The following MFSD12 variants were observed in gnomAD, a reference collection of about 807,000 sequenced individuals.
The protein encoded by MFSD12 is major facilitator superfamily domain containing 12.
In MFSD12, 67 loss-of-function variants were observed where a neutral mutation model predicts 51.2. That is an observed-to-expected ratio of 1.31 (90% CI 1.08 to 1.60). The LOEUF (loss-of-function observed/expected upper bound fraction) is 1.60, where lower values mean the gene tolerates loss of function less well. Ranked by LOEUF, MFSD12 falls within the 40% of genes most tolerant of loss-of-function variation. The pLI is 0.00. For missense variants in MFSD12, 921 were observed against 673.0 expected (o/e 1.37, Z -4.08); for synonymous variants, 441 against 316.7 (o/e 1.39, Z -4.17).
At position 3,548,028 on chromosome 19, in the gene MFSD12, G is replaced by A. The variant is rs372718189; in HGVS notation, c.657C>T (p.Asn219=). The A allele has an allele frequency of 8.9e-5, 143 of 1,599,832 alleles. No homozygotes were observed. Among genetic ancestry groups the A allele is most frequent in the Non-Finnish European group, 1.2e-4 (136 of 1,179,464 alleles). ...LGGQDVPVFR[N]LSLLVVGVGA... ...CGACACCCACCACCAGCAGGGACAG[G>A]TTCTGGGGATGCAGCAGAAGCAGTC... Residue 219 remains asparagine, a splice_region_variant and synonymous_variant, in exon 4 of 10, where the codon AAC becomes AAT. Transcript: ENST00000355415.
In MFSD12 at chr19:3,544,826, G is replaced by T. The variant is rs372771905; in HGVS notation, c.1403C>A (p.Pro468Gln). The T allele has an allele frequency of 4.8e-5, 78 of 1,612,258 alleles. No individual in the cohort carries two copies. Among genetic ancestry groups the T allele is most frequent in the Non-Finnish European group, 6.3e-5 (74 of 1,179,562 alleles). ...ALCLCSLLLW[P>Q]TRLRRWDRDA... Reference sequence around the variant, plus strand: ...GGACTCACAGCGTCGCAGGCGGGTCGGCCACAGCAGGAGGCTACAGAGACA... The same window carrying T: ...GGACTCACAGCGTCGCAGGCGGGTCTGCCACAGCAGGAGGCTACAGAGACA... The change falls in exon 9 of 10, where the codon CCG (proline) becomes CAG (glutamine). Residue 468 changes from proline (P) to glutamine (Q), a missense_variant. By Grantham distance (76) the Pro-to-Gln change is moderately conservative. Transcript: ENST00000355415.
At chr19:3,549,776 C>A (rs1221592458) in intron 2 of MFSD12, among the ~76,000 whole-genome samples, 1 of 149,356 alleles carries the variant, frequency 6.7e-6, no homozygotes, top group East Asian at 2.0e-4. Context: ...GTAATCCCAG[C>A]ACTTTGGGAG....
At chr19:3,552,779 C>T (rs958619753) in intron 1 of MFSD12, among the ~76,000 whole-genome samples, 9 of 152,164 alleles carry the variant, frequency 5.9e-5, no homozygotes, top group Non-Finnish European at 1.2e-4. Flanking sequence ...GCCACCATAC[C>T]GGCTGTTACT....
intron 1 of MFSD12, among the ~76,000 whole-genome samples, chr19:3,554,679 C>T (rs907203987): frequency 6.6e-6 from 1 of 152,242 alleles, no homozygotes; most frequent in Non-Finnish European, 1.5e-5. Context: ...GTCCTTCCTT[C>T]TGAAGCCCAT....
rs2031789134 is a variant in MFSD12, at chr19:3,557,363, G to C, written c.41C>G (p.Pro14Arg). The C allele has an allele frequency of 1.3e-6, 2 of 1,505,184 alleles. No individual in the cohort carries two copies. The highest frequency in any genetic ancestry group is 1.4e-5 in the African/African-American group (1 of 69,374). The allele number at this position is 1,505,184 out of a possible 1,614,324, so 93.2% of individuals were successfully genotyped here. A position where few individuals can be genotyped will look rare whatever the true frequency, so the allele number is the denominator to read the frequency against. ...CCGCGCCACCAGGGACAGCGGCCGC[G>C]GGGACGGCGCCGCTCCGGCCGCTGG... is the stretch of plus-strand genomic sequence containing the variant. ...GPPAAGAAPS[P>R]RPLSLVARLS... Residue 14 changes from proline to arginine, a missense_variant, in exon 1 of 10, where the codon CCG becomes CGG. Transcript: ENST00000355415.
intron 2 of MFSD12, 134 bp from the exon 3 acceptor site, chr19:3,548,401 G>C (rs1381782641): frequency 2.4e-6 from 3 of 1,243,836 alleles, no homozygotes; most frequent in Non-Finnish European, 3.3e-6. Flanking sequence ...CACACTGGGT[G>C]GCCTCCAGGA....
chr19:3,543,490 C>G, downstream of MFSD12: 2 of 1,519,400 alleles, frequency 1.3e-6, no homozygotes, highest in African/African-American at 1.4e-5. Context: ...GCCCCCCCCC[C>G]CGCCCTGGGC....
chr19:3,539,216 C>T (rs2030145537), downstream of MFSD12: 2 of 1,550,686 alleles, frequency 1.3e-6, no homozygotes, highest in East Asian at 2.4e-5. Context: ...GGCCCTGTAT[C>T]CCCTCGGGGA....
Position 3,544,570 on chromosome 19 carries a change from A to G in MFSD12, c.*140T>C, listed in dbSNP as rs1042537554. ...ATCCCTGCTGCCCTCACCCGACCCC[A>G]CCCCCGGGAGCTGGGTGAGGATGGA... On this transcript the variant is annotated 3_prime_UTR_variant, in exon 10 of 10. Coordinates refer to ENST00000355415, the MANE Select transcript of MFSD12 (RefSeq NM_174983.5). The G allele has an allele frequency of 6.3e-5, 91 of 1,452,384 alleles. No individual in the cohort carries two copies. The highest frequency in any genetic ancestry group is 7.5e-5 in the Non-Finnish European group (83 of 1,106,892). The allele number at this position is 1,452,384 out of a possible 1,614,324, so 90.0% of individuals were successfully genotyped here. A position where few individuals can be genotyped will look rare whatever the true frequency, so the allele number is the denominator to read the frequency against.
intron 2 of MFSD12, among the ~76,000 whole-genome samples, chr19:3,549,124 T>C (rs2031301869): frequency 1.3e-5 from 2 of 152,192 alleles, no homozygotes; most frequent in South Asian, 4.1e-4. Flanking sequence ...GGCCTATAAC[T>C]ATGCCAGGCA....
downstream of MFSD12, among the ~76,000 whole-genome samples, chr19:3,540,457 C>T (rs990652310): frequency 6.6e-5 from 10 of 151,422 alleles, no homozygotes; most frequent in Middle Eastern, 3.4e-3. Flanking sequence ...GGGGTTTCAC[C>T]ATGTTGGCCA....
intron 8 of MFSD12, among the ~76,000 whole-genome samples, chr19:3,545,566 C>A (rs1395951744): frequency 1.3e-5 from 2 of 152,254 alleles, no homozygotes; most frequent in African/African-American, 4.8e-5. Flanking sequence ...CCAAGAAGCC[C>A]TCCCTGGCTT....
At chr19:3,543,352 G>A (rs1232878407), downstream of MFSD12, 2 of 1,549,314 alleles carry the variant, frequency 1.3e-6, no homozygotes, top group Admixed American at 2.0e-5. Context: ...ACACAGGCCT[G>A]ACCAACTCGG....
intron 2 of MFSD12, 40 bp downstream of exon 2, chr19:3,550,944 G>C: frequency 6.3e-7 from 1 of 1,575,724 alleles, no homozygotes; most frequent in Non-Finnish European, 8.7e-7. Flanking sequence ...ACCGAGCCGG[G>C]GCCCACCCTG....
At chr19:3,549,860 G>A (rs920055079) in intron 2 of MFSD12, among the ~76,000 whole-genome samples, 10 of 151,538 alleles carry the variant, frequency 6.6e-5, no homozygotes, top group Non-Finnish European at 1.2e-4. Context: ...GTGAAACCCC[G>A]TGTCTACTAA....
At chr19:3,552,524 G>C (rs1009171917) in intron 1 of MFSD12, among the ~76,000 whole-genome samples, 26 of 144,744 alleles carry the variant, frequency 1.8e-4, no homozygotes, top group African/African-American at 6.7e-4. Context: ...GCCCAGGCTG[G>C]AGTGCAGTGG....
At chr19:3,546,721 A>T (rs576582657) in intron 6 of MFSD12, among the ~76,000 whole-genome samples, 19 of 152,376 alleles carry the variant, frequency 1.2e-4, no homozygotes, top group African/African-American at 4.3e-4. Context: ...CCACATTTCA[A>T]GCCCTCAGTA....
chr19:3,547,627 G>C, intron 4 of MFSD12, 80 bp from the exon 5 acceptor site: 4 of 1,351,608 alleles, frequency 3.0e-6, no homozygotes, highest in Non-Finnish European at 4.1e-6. Context: ...ACCGGGGCCA[G>C]GGTGGGCGCC....
At chr19:3,544,134 G>A (rs2030725453), downstream of MFSD12, 1 of 1,415,872 alleles carries the variant, frequency 7.1e-7, no homozygotes. Flanking sequence ...CCACAACCAG[G>A]GCAGGGCTGA....
Sources: gnomAD v4.1 joint callset for allele counts (sites outside exome capture counted in the v4.1 genomes callset) on GRCh38, gnomAD v4.1.1 for gene constraint, MANE v1.5 for transcripts, NCBI Gene and HGNC (gene_info 2026-07-23, HGNC 2026-07-21) for gene names.